KLHL1: variants seen among roughly 807,000 people sequenced by gnomAD.
The protein encoded by KLHL1 is kelch-like protein 1.
In KLHL1, 47 loss-of-function variants were observed where a neutral mutation model predicts 77.7. The observed-to-expected ratio is 0.60, with a 90% CI of 0.48 to 0.77. KLHL1 has a LOEUF of 0.77. Ranked by LOEUF, KLHL1 falls within the 30% of genes least tolerant of loss-of-function variation. The pLI, the probability that KLHL1 is intolerant of heterozygous loss-of-function variation, is 0.00. For synonymous variants in KLHL1, 360 were observed against 325.2 expected, an observed-to-expected ratio of 1.11 and a Z score of -1.15; for missense variants, 925 against 910.8, an observed-to-expected ratio of 1.02 and a Z score of -0.20.
At chr13:69,885,064 C>G (rs1881159304) in intron 4 of KLHL1, among the ~76,000 whole-genome samples, 1 of 142,178 alleles carries the variant, frequency 7.0e-6, no homozygotes, top group South Asian at 2.2e-4. Flanking sequence ...CCTCAGCCTC[C>G]CGAGTAGCTG....
intron 3 of KLHL1, among the ~76,000 whole-genome samples, chr13:69,949,091 TCCC>T (rs200052226): frequency 6.6e-6 from 1 of 151,908 alleles, no homozygotes; most frequent in Non-Finnish European, 1.5e-5. Flanking sequence ...TATAACTGTT[TCCC>T]CCATTATTAA....
chr13:70,083,104 G>T (rs1887435290), intron 1 of KLHL1, among the ~76,000 whole-genome samples: 1 of 152,042 alleles, frequency 6.6e-6, no homozygotes, highest in South Asian at 2.1e-4. Context: ...TCCCAAAGGT[G>T]AACATAAGAA....
At chr13:69,889,405 C>T (rs941390854) in intron 4 of KLHL1, among the ~76,000 whole-genome samples, 3 of 152,046 alleles carry the variant, frequency 2.0e-5, no homozygotes, top group Non-Finnish European at 4.4e-5. Context: ...TAGTCATACT[C>T]ATGGTCAAGA....
chr13:70,036,293 A>G (rs1189243483), intron 1 of KLHL1, among the ~76,000 whole-genome samples: 1 of 151,980 alleles, frequency 6.6e-6, no homozygotes, highest in East Asian at 1.9e-4. Context: ...AACAAACACA[A>G]CATATGTGCA....
At chr13:70,041,213 C>G (rs1886372654) in intron 1 of KLHL1, among the ~76,000 whole-genome samples, 1 of 152,116 alleles carries the variant, frequency 6.6e-6, no homozygotes. Flanking sequence ...TAAGATAACT[C>G]TAACACTTGT....
intron 7 of KLHL1, among the ~76,000 whole-genome samples, chr13:69,794,453 CAG>C (rs1157909483): frequency 6.7e-6 from 1 of 149,126 alleles, no homozygotes; most frequent in Non-Finnish European, 1.5e-5. Context: ...GAGAAAGAAA[CAG>C]AGCATCTTAA....
intron 3 of KLHL1, among the ~76,000 whole-genome samples, chr13:69,954,690 TAAC>T: frequency 6.6e-6 from 1 of 151,188 alleles, no homozygotes; most frequent in East Asian, 1.9e-4. Context: ...CACTGTTCAA[TAAC>T]AACAACAAAA....
At chr13:70,093,770 G>T (rs572860195) in intron 1 of KLHL1, among the ~76,000 whole-genome samples, 1 of 152,108 alleles carries the variant, frequency 6.6e-6, no homozygotes, top group Non-Finnish European at 1.5e-5. Flanking sequence ...GCCACAGATG[G>T]ATAGCTCATC....
intron 6 of KLHL1, among the ~76,000 whole-genome samples, chr13:69,801,739 A>C (rs183808481): frequency 3.8e-4 from 58 of 152,250 alleles, no homozygotes; most frequent in African/African-American, 1.3e-3. Context: ...AATTTTATAA[A>C]CTTGATAATT....
chr13:69,718,959 G>A (rs1011618970), intron 9 of KLHL1, among the ~76,000 whole-genome samples: 4 of 151,946 alleles, frequency 2.6e-5, no homozygotes, highest in Admixed American at 2.6e-4. Flanking sequence ...AAGAACAGAA[G>A]AATAGAACAC....
chr13:70,039,929 A>G (rs1364084320), intron 1 of KLHL1, among the ~76,000 whole-genome samples: 3 of 152,080 alleles, frequency 2.0e-5, no homozygotes, highest in Admixed American at 6.6e-5. Flanking sequence ...GAACTTTAAA[A>G]AAATATATAT....
chr13:69,832,137 T>C lies in KLHL1; in HGVS notation c.1414+6839A>G, dbSNP rs529077749. Among the ~76,000 whole-genome samples the C allele has an allele frequency of 2.0e-3, 304 of 149,824 alleles. 15 individuals are homozygous for C. Among genetic ancestry groups the C allele is most frequent in the African/African-American group, 7.1e-3 (284 of 39,924 alleles). On this transcript the variant is annotated intron_variant, in intron 6 of 10. Coordinates refer to ENST00000377844, the MANE Select transcript of KLHL1 (RefSeq NM_020866.3). ...AAGAAAGAAATAAAGGGCACCAAAA[T>C]TGGTAAAAAGGAAGTCAAACTGTCG...
chr13:70,098,179 T>G (rs1887838858), intron 1 of KLHL1, among the ~76,000 whole-genome samples: 1 of 151,876 alleles, frequency 6.6e-6, no homozygotes, highest in Non-Finnish European at 1.5e-5. Context: ...TCGAAGTGTT[T>G]TCAGATACTC....
chr13:69,737,671 A>C (rs1873819007), intron 8 of KLHL1, among the ~76,000 whole-genome samples: 1 of 152,172 alleles, frequency 6.6e-6, no homozygotes, highest in Non-Finnish European at 1.5e-5. Flanking sequence ...ACTCCTGCTC[A>C]CTAGAGGGGG....
At chr13:69,778,892 G>A (rs900540501) in intron 7 of KLHL1, among the ~76,000 whole-genome samples, 9 of 146,558 alleles carry the variant, frequency 6.1e-5, no homozygotes, top group South Asian at 2.1e-4. Context: ...TCCACCTTCC[G>A]GGTTCAAGCA....
At chr13:69,743,034 T>C (rs181848016) in intron 7 of KLHL1, among the ~76,000 whole-genome samples, 1 of 152,338 alleles carries the variant, frequency 6.6e-6, no homozygotes, top group African/African-American at 2.4e-5. Context: ...TGAAATCAAC[T>C]TTTTACTGAG....
In KLHL1 at chr13:69,930,556, CA is replaced by C. The variant is rs1430777431; in HGVS notation, c.1014+9483del. 2.6e-5 allele frequency among the ~76,000 whole-genome samples: 4 copies of C among 151,772 alleles called. 1 individual carries two copies. The South Asian group carries it at 8.3e-4, about 31-fold the overall frequency. On this transcript the variant is annotated intron_variant, in intron 4 of 10. Coordinates refer to ENST00000377844, the MANE Select transcript of KLHL1 (RefSeq NM_020866.3). ...TTTGTGAATCTCCTTCCAAAGAATA[CA>C]AAACTATATCAATGCATCCTCAAAT...
intron 2 of KLHL1, among the ~76,000 whole-genome samples, chr13:69,965,629 G>A (rs1299090599): frequency 1.3e-5 from 2 of 152,130 alleles, no homozygotes; most frequent in Non-Finnish European, 2.9e-5. Context: ...GTTTAGCGAG[G>A]GAGACATGTA....
chr13:69,786,903 C>T (rs1265089477), intron 7 of KLHL1, among the ~76,000 whole-genome samples: 1 of 152,134 alleles, frequency 6.6e-6, no homozygotes, highest in Non-Finnish European at 1.5e-5. Flanking sequence ...CTCCCATTCA[C>T]AATTGCTTCA....
Sources: gnomAD v4.1 joint callset for allele counts (sites outside exome capture counted in the v4.1 genomes callset) on GRCh38, gnomAD v4.1.1 for gene constraint, MANE v1.5 for transcripts, NCBI Gene and HGNC (gene_info 2026-07-23, HGNC 2026-07-21) for gene names.